Variants in NOL4 observed in about 807,000 individuals in gnomAD.
NOL4 encodes the protein cancer/testis antigen 125.
In NOL4, 17 loss-of-function variants were observed where a neutral mutation model predicts 75.9. The ratio of observed to expected loss-of-function variants is 0.22; its 90% CI spans 0.15 to 0.34. NOL4 has a LOEUF of 0.34. NOL4 is among the 10% of genes least tolerant of loss of function. The probability of loss-of-function intolerance (pLI) is 1.00; values close to 1 mark genes in which losing one functional copy is unlikely to be tolerated. For missense variants in NOL4, 614 were observed against 793.5 expected (o/e 0.77, Z 2.72); for synonymous variants, 292 against 289.9 (o/e 1.01, Z -0.07).
chr18:34,080,754 T>C (rs2077972357), intron 5 of NOL4, among the ~76,000 whole-genome samples: 1 of 152,188 alleles, frequency 6.6e-6, no homozygotes, highest in Admixed American at 6.5e-5. Context: ...AAAACACATG[T>C]TTAACTGGGT....
chr18:33,978,021 C>T (rs760086966), intron 6 of NOL4, among the ~76,000 whole-genome samples: 32 of 152,038 alleles, frequency 2.1e-4, no homozygotes, highest in Admixed American at 3.3e-4. Context: ...ATTTTTCTCT[C>T]CATGCATTTT....
At chr18:34,015,395 C>G (rs1253610758) in intron 6 of NOL4, among the ~76,000 whole-genome samples, 1 of 152,016 alleles carries the variant, frequency 6.6e-6, no homozygotes, top group East Asian at 1.9e-4. Flanking sequence ...TGTTCAGGTT[C>G]AGGCCAATGT....
At chr18:34,141,860 G>T (rs2081181847) in intron 1 of NOL4, among the ~76,000 whole-genome samples, 1 of 152,134 alleles carries the variant, frequency 6.6e-6, no homozygotes, top group South Asian at 2.1e-4. Context: ...AAGAGCTTCT[G>T]CACAGCAAAA....
chr18:34,138,581 A>C (rs1328306748), intron 1 of NOL4, among the ~76,000 whole-genome samples: 1 of 152,138 alleles, frequency 6.6e-6, no homozygotes. Context: ...ATTGAATTAT[A>C]CACTTTATAT....
At chr18:34,070,312 C>T (rs1280456079) in intron 5 of NOL4, among the ~76,000 whole-genome samples, 1 of 152,228 alleles carries the variant, frequency 6.6e-6, no homozygotes, top group African/African-American at 2.4e-5. Flanking sequence ...AGCCACCGCG[C>T]CCGGCCCGCC....
chr18:34,136,560 G>T (rs1568381664), intron 1 of NOL4, among the ~76,000 whole-genome samples: 1 of 150,960 alleles, frequency 6.6e-6, no homozygotes, highest in Non-Finnish European at 1.5e-5. Flanking sequence ...AAATGAAGGG[G>T]GAAAAATAAT....
chr18:33,895,609 GA>G (rs1034007413), intron 9 of NOL4, among the ~76,000 whole-genome samples: 4 of 151,308 alleles, frequency 2.6e-5, no homozygotes, highest in Non-Finnish European at 4.4e-5. Context: ...TTTTAACAAA[GA>G]AAAAAATGGT....
intron 1 of NOL4, among the ~76,000 whole-genome samples, chr18:34,176,010 A>G (rs2146297824): frequency 6.6e-6 from 1 of 152,240 alleles, no homozygotes; most frequent in South Asian, 2.1e-4. Flanking sequence ...GGAGGAAACT[A>G]GTTTATTGGA....
chr18:34,109,638 A>C (rs1238257938), intron 2 of NOL4, among the ~76,000 whole-genome samples: 1 of 152,012 alleles, frequency 6.6e-6, no homozygotes, highest in Non-Finnish European at 1.5e-5. Flanking sequence ...TTATGGCCAA[A>C]GTTAACAGAA....
chr18:34,123,120 C>CTTT (rs368997906), intron 2 of NOL4, among the ~76,000 whole-genome samples: 4 of 138,722 alleles, frequency 2.9e-5, no homozygotes, highest in African/African-American at 5.2e-5. Context: ...GCTCTTACGT[C>CTTT]TTTTTTTTTT....
intron 1 of NOL4, among the ~76,000 whole-genome samples, chr18:34,140,876 T>C (rs887623473): frequency 6.6e-6 from 1 of 151,942 alleles, no homozygotes; most frequent in Non-Finnish European, 1.5e-5. Flanking sequence ...GCAGGCCTCA[T>C]GGTGACAAAA....
chr18:33,975,749 C>A (rs1307584882), intron 6 of NOL4, among the ~76,000 whole-genome samples: 1 of 152,020 alleles, frequency 6.6e-6, no homozygotes, highest in Non-Finnish European at 1.5e-5. Flanking sequence ...CACTCCAGCC[C>A]AGATGTAAAA....
intron 5 of NOL4, among the ~76,000 whole-genome samples, chr18:34,024,864 A>AT (rs763233963): frequency 6.6e-6 from 1 of 152,212 alleles, no homozygotes; most frequent in Non-Finnish European, 1.5e-5. Context: ...CTCTAACACA[A>AT]TAAAGGCTAG....
At chr18:34,011,681 A>G (rs923169181) in intron 6 of NOL4, among the ~76,000 whole-genome samples, 2 of 151,852 alleles carry the variant, frequency 1.3e-5, no homozygotes, top group Non-Finnish European at 2.9e-5. Context: ...ACAAATAAAC[A>G]AAAATTAAAT....
intron 1 of NOL4, among the ~76,000 whole-genome samples, chr18:34,164,027 T>C (rs2031947101): frequency 6.6e-6 from 1 of 152,186 alleles, no homozygotes; most frequent in Non-Finnish European, 1.5e-5. Flanking sequence ...CTGGGAAAAC[T>C]GGCTAGCCAT....
chr18:34,083,236 T>G (rs780008141), intron 5 of NOL4, among the ~76,000 whole-genome samples: 3 of 152,158 alleles, frequency 2.0e-5, no homozygotes, highest in African/African-American at 4.8e-5. Flanking sequence ...TTGGCAATAT[T>G]TGTGAGCTTT....
At chr18:34,175,739 T>G (rs2146296161) in intron 1 of NOL4, among the ~76,000 whole-genome samples, 1 of 152,288 alleles carries the variant, frequency 6.6e-6, no homozygotes, top group African/African-American at 2.4e-5. Context: ...TAGATCACTA[T>G]GCTGAGAAAT....
intron 6 of NOL4, among the ~76,000 whole-genome samples, chr18:33,990,170 T>G (rs1358860273): frequency 2.0e-5 from 3 of 152,098 alleles, no homozygotes; most frequent in Non-Finnish European, 4.4e-5. Context: ...AAAGAAGTTG[T>G]CAGTTTTAGT....
chr18:33,919,272 C>T (rs758226839), intron 9 of NOL4, among the ~76,000 whole-genome samples: 40 of 152,114 alleles, frequency 2.6e-4, no homozygotes, highest in Non-Finnish European at 1.9e-4. Flanking sequence ...CTTCTAAGAA[C>T]AAGGGACCCT....
Sources: gnomAD v4.1 joint callset for allele counts (sites outside exome capture counted in the v4.1 genomes callset) on GRCh38, gnomAD v4.1.1 for gene constraint, MANE v1.5 for transcripts, NCBI Gene and HGNC (gene_info 2026-07-23, HGNC 2026-07-21) for gene names.